FGF14: variants seen among roughly 807,000 people sequenced by gnomAD.
The protein encoded by FGF14 is fibroblast growth factor 14, also known as fibroblast growth factor homologous factor 4.
FGF14 carries 5 observed loss-of-function variants against 25.5 expected under a neutral mutation model. The observed-to-expected ratio is 0.20, with a 90% CI of 0.10 to 0.41. The LOEUF (loss-of-function observed/expected upper bound fraction) is 0.41, where lower values mean the gene tolerates loss of function less well. Among genes scored for constraint, FGF14 ranks in the 10% least tolerant of loss-of-function variants. FGF14 has a pLI of 1.00. For synonymous variants in FGF14, 138 were observed against 118.3 expected, an observed-to-expected ratio of 1.17 and a Z score of -1.08; for missense variants, 222 against 320.1, an observed-to-expected ratio of 0.69 and a Z score of 2.34.
chr13:101,825,677 T>C (rs1388205703), intron 3 of FGF14, among the ~76,000 whole-genome samples: 1 of 152,062 alleles, frequency 6.6e-6, no homozygotes, highest in Non-Finnish European at 1.5e-5. Context: ...ATGTATCAAA[T>C]AAAAAATAAA....
chr13:101,916,115 C>T (rs959915392), intron 1 of FGF14, among the ~76,000 whole-genome samples: 3 of 152,226 alleles, frequency 2.0e-5, no homozygotes, highest in Non-Finnish European at 2.9e-5. Flanking sequence ...GGAAGGGGTG[C>T]CCCGCGTTCC....
chr13:101,918,295 C>A (rs749822568), upstream of FGF14, among the ~76,000 whole-genome samples: 1 of 152,172 alleles, frequency 6.6e-6, no homozygotes, highest in African/African-American at 2.4e-5. Context: ...GTGGCAGAAC[C>A]AAGTGCAGCT....
chr13:102,038,771 T>A (rs2041594720), intron 1 of FGF14, among the ~76,000 whole-genome samples: 1 of 152,122 alleles, frequency 6.6e-6, no homozygotes, highest in Non-Finnish European at 1.5e-5. Flanking sequence ...ATATTTTATA[T>A]TTAAATGATT....
At chr13:102,100,624 C>A (rs777258987) in intron 1 of FGF14, among the ~76,000 whole-genome samples, 1 of 152,192 alleles carries the variant, frequency 6.6e-6, no homozygotes, top group Non-Finnish European at 1.5e-5. Context: ...GGGCAAGACA[C>A]AAGTTGGTTC....
At chr13:101,950,012 T>C (rs2036055061) in intron 1 of FGF14, among the ~76,000 whole-genome samples, 1 of 152,174 alleles carries the variant, frequency 6.6e-6, no homozygotes. Context: ...TTTTTCTTTT[T>C]TTTTCATTTT....
chr13:101,813,941 C>T (rs557491075), intron 3 of FGF14, among the ~76,000 whole-genome samples: 1 of 152,252 alleles, frequency 6.6e-6, no homozygotes, highest in East Asian at 1.9e-4. Context: ...AAAGCAGCAA[C>T]AAACATTTTA....
In FGF14 at chr13:101,720,089, T is replaced by G. The variant is rs111737340; in HGVS notation, c.*2742A>C. ...TAAATATTTTATTCAATATGTTGTATTTGTGAATTTAACAAATGATATTAA... is the reference window on the plus strand; with the variant it reads ...TAAATATTTTATTCAATATGTTGTAGTTGTGAATTTAACAAATGATATTAA... On this transcript the variant is annotated 3_prime_UTR_variant, in exon 5 of 5. Coordinates refer to ENST00000376143, the MANE Select transcript of FGF14 (RefSeq NM_004115.4). 4 of 152,300 alleles carry G rather than the reference T, an allele frequency of 2.6e-5. No homozygotes were observed. Among genetic ancestry groups the G allele is most frequent in the African/African-American group, 9.6e-5 (4 of 41,594 alleles). 9.4% of individuals were successfully genotyped at this position (152,300 alleles called of 1,614,324 possible).
chr13:102,390,927 C>T (rs1457542923), intron 1 of FGF14, among the ~76,000 whole-genome samples: 3 of 152,078 alleles, frequency 2.0e-5, no homozygotes, highest in Non-Finnish European at 2.9e-5. Context: ...TCCACATCAC[C>T]GTTCTTTTAC....
At chr13:102,294,709 C>T (rs1387992893) in intron 1 of FGF14, among the ~76,000 whole-genome samples, 2 of 152,002 alleles carry the variant, frequency 1.3e-5, no homozygotes, top group Admixed American at 6.6e-5. Flanking sequence ...TAGCTGTTTC[C>T]TTCTGATAAT....
chr13:102,211,077 A>G lies in FGF14; in HGVS notation c.208+190394T>C, dbSNP rs138049898. ...CTTTATTCTCATTTTTTATCTTTCT[A>G]TCTCTCTGCTTAAAGACCCCATCTT... On this transcript the variant is annotated intron_variant, in intron 1 of 4. Coordinates refer to the FGF14 transcript ENST00000376131. Among the ~76,000 whole-genome samples, 828 of 152,090 alleles carry G rather than the reference A, an allele frequency of 5.4e-3. 4 individuals are homozygous for G. Among genetic ancestry groups the G allele is most frequent in the Non-Finnish European group, 9.5e-3 (644 of 67,986 alleles).
At chr13:102,051,819 C>A (rs191599453) in intron 1 of FGF14, among the ~76,000 whole-genome samples, 1 of 152,064 alleles carries the variant, frequency 6.6e-6, no homozygotes, top group Non-Finnish European at 1.5e-5. Context: ...GAATACTCCA[C>A]CAAATACATA....
chr13:102,333,177 A>T (rs975669657), intron 1 of FGF14, among the ~76,000 whole-genome samples: 2 of 152,188 alleles, frequency 1.3e-5, no homozygotes, highest in Non-Finnish European at 2.9e-5. Flanking sequence ...AAGCCTCTTG[A>T]TTATATATAT....
At chr13:101,773,051 C>A (rs1470470385) in intron 3 of FGF14, among the ~76,000 whole-genome samples, 1 of 152,038 alleles carries the variant, frequency 6.6e-6, no homozygotes, top group East Asian at 1.9e-4. Flanking sequence ...GCTTAAGTGG[C>A]CCCTGTTGTA....
chr13:101,812,607 A>T (rs2140187755), intron 3 of FGF14, among the ~76,000 whole-genome samples: 1 of 79,676 alleles, frequency 1.3e-5, no homozygotes, highest in Non-Finnish European at 2.4e-5. Context: ...TTATATTTTT[A>T]AAACTATATA....
chr13:101,977,672 C>T (rs1352426615), intron 1 of FGF14, among the ~76,000 whole-genome samples: 2 of 152,056 alleles, frequency 1.3e-5, no homozygotes, highest in African/African-American at 4.8e-5. Flanking sequence ...AAATGGAAAC[C>T]GAGTGATCCC....
chr13:102,082,824 G>A (rs940446628), intron 1 of FGF14, among the ~76,000 whole-genome samples: 32 of 151,296 alleles, frequency 2.1e-4, no homozygotes, highest in African/African-American at 7.3e-4. Context: ...CGGGCGTAGT[G>A]GCGGGCGCCT....
chr13:102,013,268 T>C (rs1487700163), intron 1 of FGF14, among the ~76,000 whole-genome samples: 1 of 152,146 alleles, frequency 6.6e-6, no homozygotes, highest in African/African-American at 2.4e-5. Flanking sequence ...GCACTCAGCC[T>C]TCTACATGTA....
At chr13:102,158,532 A>C (rs1280399718) in intron 1 of FGF14, among the ~76,000 whole-genome samples, 6 of 101,246 alleles carry the variant, frequency 5.9e-5, no homozygotes, top group South Asian at 3.9e-4. Context: ...GGGTGGGGGT[A>C]GCGGGGGGGG....
intron 1 of FGF14, among the ~76,000 whole-genome samples, chr13:102,070,982 T>C (rs954723516): frequency 6.7e-6 from 1 of 148,252 alleles, no homozygotes; most frequent in Non-Finnish European, 1.5e-5. Context: ...CACACACACA[T>C]AAAAACATCA....
Sources: allele counts gnomAD v4.1 joint callset (sites outside exome capture counted in the v4.1 genomes callset), GRCh38; gene constraint gnomAD v4.1.1; transcripts MANE v1.5; gene names NCBI Gene and HGNC (gene_info 2026-07-23, HGNC 2026-07-21).